The following DLG4 variants were observed in gnomAD, a reference collection of about 807,000 sequenced individuals.
DLG4 encodes disks large homolog 4.
In DLG4, 7 loss-of-function variants were observed where a neutral mutation model predicts 93.8. The ratio of observed to expected loss-of-function variants is 0.07; its 90% CI spans 0.04 to 0.14. The LOEUF is 0.14. DLG4 is among the 10% of genes least tolerant of loss of function. The probability of loss-of-function intolerance (pLI) is 1.00; values close to 1 mark genes in which losing one functional copy is unlikely to be tolerated. For synonymous variants in DLG4, 341 were observed against 387.6 expected (o/e 0.88, Z 1.41); for missense variants, 545 against 992.9 (o/e 0.55, Z 6.06).
At chr17:7,204,283 C>T (rs769429632) in intron 2 of DLG4, 31 bp from the exon 3 acceptor site, 18 of 1,556,744 alleles carry the variant, frequency 1.2e-5, no homozygotes, top group East Asian at 2.3e-5. Flanking sequence ...CAAAAAGCAG[C>T]CTGAGCCTTG....
In DLG4 at chr17:7,212,228, C is replaced by T. The variant is rs150192273; in HGVS notation, c.31-3989G>A. ...CCCGCAAGATTGGTGCTGTGGATAGCATCTCCTCAGATTCCAAGGCATCTC... is the reference window on the plus strand; with the variant it reads ...CCCGCAAGATTGGTGCTGTGGATAGTATCTCCTCAGATTCCAAGGCATCTC... On this transcript the variant is annotated intron_variant, in intron 1 of 19. Transcript: ENST00000399506. Among the ~76,000 whole-genome samples, 189 of 152,274 alleles carry T rather than the reference C, an allele frequency of 1.2e-3. 2 individuals carry two copies. The Middle Eastern group carries it at 0.044, about 36-fold the overall frequency.
In DLG4 at chr17:7,196,499, G is replaced by A; in HGVS notation, c.1160C>T (p.Thr387Met). The A allele has an allele frequency of 3.1e-6, 5 of 1,613,990 alleles. No homozygotes were observed. Among genetic ancestry groups the A allele is most frequent in the Non-Finnish European group, 4.2e-6 (5 of 1,179,888 alleles). The change falls in exon 10 of 20, where the codon ACG becomes ATG. Residue 387 changes from threonine (T) to methionine (M), a missense_variant. Physicochemically the swap from Thr to Met is moderately conservative, Grantham distance 81 (BLOSUM62 -1). Coordinates refer to ENST00000399506, the MANE Select transcript of DLG4 (RefSeq NM_001321075.3). The surrounding 1 kb of genome is among the most constrained non-coding windows in gnomAD (Gnocchi z 8.3). ...TTCTGGTTTATACTGAGCGATGATC[G>A]TGACCGTCTGACCCGCATTCTTCAG... ...IALKNAGQTV[T>M]IIAQYKPEEY...
In DLG4 at chr17:7,189,299, G is replaced by T. The variant is rs567248340; in HGVS notation, c.*1409C>A. On this transcript the variant is annotated 3_prime_UTR_variant, in exon 20 of 20. Transcript: ENST00000399506. ...AAGGTCAGGAGTTCAAGACCAGCCTGACCAACATGGTGAAACCCCATCTCT... is the reference window on the plus strand; with the variant it reads ...AAGGTCAGGAGTTCAAGACCAGCCTTACCAACATGGTGAAACCCCATCTCT... Among the ~76,000 whole-genome samples, 2 of 151,846 alleles carry T rather than the reference G, an allele frequency of 1.3e-5. No homozygotes were observed. Among genetic ancestry groups the T allele is most frequent in the African/African-American group, 4.8e-5 (2 of 41,418 alleles).
upstream of DLG4, chr17:7,219,126 C>A (rs1567558014): frequency 9.4e-6 from 5 of 531,016 alleles, no homozygotes; most frequent in Admixed American, 3.4e-5. Context: ...AGAAGCTGAG[C>A]CCAGCTCTCT....
chr17:7,211,383 G>A (rs1264060729), intron 1 of DLG4, among the ~76,000 whole-genome samples: 1 of 151,928 alleles, frequency 6.6e-6, no homozygotes, highest in South Asian at 2.1e-4. Flanking sequence ...GACACGGACG[G>A]AGTCGCTGTT....
chr17:7,212,796 A>G (rs1410814913), intron 1 of DLG4, among the ~76,000 whole-genome samples: 1 of 152,142 alleles, frequency 6.6e-6, no homozygotes, highest in Non-Finnish European at 1.5e-5. Flanking sequence ...GCACTTTGGG[A>G]GGCCGAGGCG....
intron 2 of DLG4, among the ~76,000 whole-genome samples, chr17:7,206,797 C>T (rs1052907454): frequency 9.2e-5 from 14 of 152,048 alleles, no homozygotes; most frequent in African/African-American, 3.4e-4. Flanking sequence ...CCTGCTTGCC[C>T]GCTCCCTAGG....
At chr17:7,220,020 G>A (rs1028684267), upstream of DLG4, 2 of 1,605,278 alleles carry the variant, frequency 1.2e-6, no homozygotes, top group South Asian at 1.1e-5. Flanking sequence ...GCTTGGGGCG[G>A]CAGCTGCTGA....
Position 7,193,491 on chromosome 17 carries a change from C to G in DLG4, c.1685G>C (p.Cys562Ser). 1.3e-6 allele frequency: 2 copies of G among 1,535,574 alleles called. No homozygotes were observed. Among genetic ancestry groups the G allele is most frequent in the Non-Finnish European group, 1.7e-6 (2 of 1,148,242 alleles). The change falls in exon 16 of 20, where the codon TGT (cysteine) becomes TCT (serine). Residue 562 changes from cysteine (C) to serine (S), a missense_variant. This residue lies in a region of DLG4 where 428 missense variants were observed against 741.4 expected (regional missense o/e 0.58). Coordinates refer to ENST00000399506, the MANE Select transcript of DLG4 (RefSeq NM_001321075.3). The surrounding 1 kb of genome is among the most constrained non-coding windows in gnomAD (Gnocchi z 6.7). ...LSEFPDKFGS[C>S]VPHTTRPKRE... ...AAGGCCCCAGCACTCACGGGGAACA[C>G]AGGATCCAAACTTGTCGGGGAACTC...
At chr17:7,197,396 C>T (rs902510076) in intron 8 of DLG4, among the ~76,000 whole-genome samples, 2 of 152,090 alleles carry the variant, frequency 1.3e-5, no homozygotes, top group Non-Finnish European at 2.9e-5. Flanking sequence ...TAAAATTCTT[C>T]TCCCTCTTTT....
At position 7,196,450 on chromosome 17, in the gene DLG4, A is replaced by G. The variant is rs1365471781; in HGVS notation, c.1186+23T>C. On this transcript the variant is annotated intron_variant, in intron 10 of 19. Transcript: ENST00000399506. This position sits in a 1 kb window ranked among gnomAD's most constrained non-coding sequence, Gnocchi z 8.3. ...TCTAAGGGCCATTTCAGCTCACAAG[A>G]CAAGGAACTTCCGGCCTGGTACCTT... 1.2e-6 allele frequency: 2 copies of G among 1,613,408 alleles called. No homozygotes were observed. Among genetic ancestry groups the G allele is most frequent in the Non-Finnish European group, 1.7e-6 (2 of 1,179,360 alleles).
rs956554167 is a variant in DLG4 at position 7,217,557 on chromosome 17, G to C, written c.-410C>G. 5.6e-6 allele frequency: 5 copies of C among 891,194 alleles called. No individual in the cohort carries two copies. Among genetic ancestry groups the C allele is most frequent in the Non-Finnish European group, 6.6e-6 (5 of 752,932 alleles). 55.2% of individuals were successfully genotyped at this position (891,194 alleles called of 1,614,324 possible). A position where few individuals can be genotyped will look rare whatever the true frequency, so the allele number is the denominator to read the frequency against. ...GGGCTAGGGGCCGTGGCGGGGGAGTGGGGTGGGGGGGTTGGAAACGGCAGC... is the reference window on the plus strand; with the variant it reads ...GGGCTAGGGGCCGTGGCGGGGGAGTCGGGTGGGGGGGTTGGAAACGGCAGC... On this transcript the variant is annotated 5_prime_UTR_variant, in exon 1 of 20. Transcript: ENST00000399506.
intron 1 of DLG4, among the ~76,000 whole-genome samples, chr17:7,214,294 C>A (rs1313645490): frequency 6.6e-6 from 1 of 152,208 alleles, no homozygotes; most frequent in East Asian, 1.9e-4. Context: ...GGGGGCCACG[C>A]CACGCCCATC....
chr17:7,217,165 C>T lies in DLG4; in HGVS notation c.-18G>A. 2.3e-6 allele frequency: 3 copies of T among 1,286,026 alleles called. No homozygotes were observed. The highest frequency in any genetic ancestry group is 6.2e-5 in the South Asian group (2 of 32,088). 79.7% of individuals were successfully genotyped at this position (1,286,026 alleles called of 1,614,324 possible). A position where few individuals can be genotyped will look rare whatever the true frequency, so the allele number is the denominator to read the frequency against. Reference sequence around the variant, plus strand: ...CAGTCCATGTTGGGGGGCCTGGCCGCGGCGGCGGGTAAGGGGCTCTGACTT... The same window carrying T: ...CAGTCCATGTTGGGGGGCCTGGCCGTGGCGGCGGGTAAGGGGCTCTGACTT... On this transcript the variant is annotated 5_prime_UTR_variant, in exon 1 of 20. Coordinates refer to ENST00000399506, the MANE Select transcript of DLG4 (RefSeq NM_001321075.3).
In DLG4 at chr17:7,191,032, C is replaced by T. The variant is rs1239623153; in HGVS notation, c.2069-218G>A. On this transcript the variant is annotated intron_variant, in intron 19 of 19. Coordinates refer to ENST00000399506, the MANE Select transcript of DLG4 (RefSeq NM_001321075.3). This position sits in a 1 kb window ranked among gnomAD's most constrained non-coding sequence, Gnocchi z 6.6. ...AGCGCCAGGCTGGAGTGCAGTGGTG[C>T]GATCTCGGCTCACTGCAACCTCTGC... 3.9e-5 allele frequency among the ~76,000 whole-genome samples: 5 copies of T among 128,404 alleles called. No homozygotes were observed. In the South Asian group the frequency reaches 7.5e-4, roughly 19 times the overall value. The allele number at this position is 128,404 out of a possible 152,430, so 84.2% of individuals were successfully genotyped here.
Position 7,196,953 on chromosome 17 carries a change from G to A in DLG4, c.887C>T (p.Pro296Leu). The A allele has an allele frequency of 1.2e-6, 2 of 1,613,860 alleles. No individual in the cohort carries two copies. The highest frequency in any genetic ancestry group is 1.7e-6 in the Non-Finnish European group (2 of 1,179,850). The change falls in exon 9 of 20, where the codon CCA becomes CTA. Residue 296 changes from proline (P) to leucine (L), a missense_variant. Physicochemically the swap from Pro to Leu is moderately conservative, Grantham distance 98. Around this residue, in one of 5 missense-constraint regions of DLG4, gnomAD observed 428 missense variants for 741.4 expected, o/e 0.58. Coordinates refer to ENST00000399506, the MANE Select transcript of DLG4 (RefSeq NM_001321075.3). The surrounding 1 kb of genome is among the most constrained non-coding windows in gnomAD (Gnocchi z 8.3). ...CTCCCCGAGCAGGTCCTTGGCCACT[G>A]GAGAGTAGCGCCGAGGGGAAGTGGG... ...MTPTSPRRYS[P>L]VAKDLLGEED... is the part of the protein sequence containing the mutation.
Position 7,196,516 on chromosome 17 carries a change from A to G in DLG4, c.1143T>C (p.Asn381=), listed in dbSNP as rs761843124. 6.2e-7 allele frequency: 1 copy of G among 1,613,990 alleles called. No individual in the cohort carries two copies. Among genetic ancestry groups the G allele is most frequent in the East Asian group, 2.2e-5 (1 of 44,878 alleles). The stretch of plus-strand genomic sequence containing the variant: ...CGATGATCGTGACCGTCTGACCCGC[A>G]TTCTTCAGGGCAATGGCAGCCTGCT... ...SHEQAAIALK[N]AGQTVTIIAQ... is the part of the protein sequence containing the mutation. The change falls in exon 10 of 20, where the codon AAT becomes AAC. Residue 381 remains asparagine (N), a synonymous_variant. Coordinates refer to ENST00000399506, the MANE Select transcript of DLG4 (RefSeq NM_001321075.3). The surrounding 1 kb of genome is among the most constrained non-coding windows in gnomAD (Gnocchi z 8.3).
Position 7,193,200 on chromosome 17 carries a change from T to C in DLG4, c.1694-83A>G. On this transcript the variant is annotated intron_variant, in intron 16 of 19. Transcript: ENST00000399506. This position sits in a 1 kb window ranked among gnomAD's most constrained non-coding sequence, Gnocchi z 6.7. The stretch of plus-strand genomic sequence containing the variant: ...CCTGCCTACTTCAATCAAATCCCCA[T>C]AGTGCCCAGCTGGTCCTTTGGTGAA... 6.4e-7 allele frequency: 1 copy of C among 1,553,768 alleles called. No homozygotes were observed. Among genetic ancestry groups the C allele is most frequent in the Non-Finnish European group, 8.8e-7 (1 of 1,139,680 alleles).
In DLG4 at chr17:7,191,498, G is replaced by A; in HGVS notation, c.1977-140C>T. ...AAATACAATTCCCAATATCCTCTGG[G>A]GCCACAGATGAGAACCACCCCCCAC... On this transcript the variant is annotated intron_variant, in intron 18 of 19. Transcript: ENST00000399506. This position sits in a 1 kb window ranked among gnomAD's most constrained non-coding sequence, Gnocchi z 6.6. 2.7e-6 allele frequency: 2 copies of A among 744,458 alleles called. No individual in the cohort carries two copies. Among genetic ancestry groups the A allele is most frequent in the Non-Finnish European group, 2.2e-6 (1 of 447,696 alleles). The allele number at this position is 744,458 out of a possible 1,614,324, so 46.1% of individuals were successfully genotyped here. A position where few individuals can be genotyped will look rare whatever the true frequency, so the allele number is the denominator to read the frequency against.
Sources: gnomAD v4.1 joint callset for allele counts (sites outside exome capture counted in the v4.1 genomes callset) on GRCh38, gnomAD v4.1.1 for gene constraint, gnomAD v4.1.1 regional missense constraint, Gnocchi (gnomAD v3.1) non-coding constraint, MANE v1.5 for transcripts, NCBI Gene and HGNC (gene_info 2026-07-23, HGNC 2026-07-21) for gene names.